ADGRE3: variants seen among roughly 807,000 people sequenced by gnomAD.
ADGRE3 encodes the protein EGF-like module receptor 3.
In ADGRE3, 88 loss-of-function variants were observed where a neutral mutation model predicts 80.1. That is an observed-to-expected ratio of 1.10 (90% CI 0.93 to 1.31). The LOEUF (loss-of-function observed/expected upper bound fraction) is 1.31. Among genes scored for constraint, ADGRE3 ranks in the 40% most tolerant of loss-of-function variants. The pLI is 0.00. For missense variants in ADGRE3, 715 were observed against 776.5 expected, an observed-to-expected ratio of 0.92 and a Z score of 0.94; for synonymous variants, 281 against 294.8, an observed-to-expected ratio of 0.95 and a Z score of 0.48.
At chr19:14,661,840 C>G in intron 4 of ADGRE3, 123 bp downstream of exon 4, 1 of 1,008,160 alleles carries the variant, frequency 9.9e-7, no homozygotes, top group Non-Finnish European at 1.5e-6. Context: ...GCGGAGGTTT[C>G]AGCCACTGCA....
the ADGRE3 span, chr19:14,606,964 G>T: frequency 8.4e-7 from 1 of 1,191,978 alleles, no homozygotes; most frequent in Non-Finnish European, 1.1e-6. Context: ...GTAGAGGAAT[G>T]GCTGGCTGAA....
the ADGRE3 span, among the ~76,000 whole-genome samples, chr19:14,608,109 C>G: frequency 6.6e-6 from 1 of 151,756 alleles, no homozygotes; most frequent in African/African-American, 2.4e-5. Context: ...TGAGCTCAAG[C>G]GATCCACCCG....
chr19:14,630,212 G>A lies in ADGRE3; in HGVS notation c.1644-5C>T, dbSNP rs1233486769. 2 of 1,597,174 alleles carry A rather than the reference G, an allele frequency of 1.3e-6. No homozygotes were observed. The highest frequency in any genetic ancestry group is 1.7e-5 in the Admixed American group (1 of 57,654). Reference sequence around the variant, plus strand: ...GTTGCTTTGAAAGCCAGCATCCTGGGAGGAGGAAGTCAGAGATTAGGATGT... The same window carrying A: ...GTTGCTTTGAAAGCCAGCATCCTGGAAGGAGGAAGTCAGAGATTAGGATGT... On this transcript the variant is annotated splice_polypyrimidine_tract_variant and splice_region_variant and intron_variant, in intron 13 of 15. Transcript: ENST00000253673.
chr19:14,636,102 C>CTT lies in ADGRE3; in HGVS notation c.1484+2001_1484+2002dup, dbSNP rs755936552. ...TTTCCCTTTCTTTCTTTCTTTCTTT[C>CTT]TTTCTTTCTTTCTTTCTTTCTTTCT... is the stretch of plus-strand genomic sequence containing the variant. On this transcript the variant is annotated intron_variant, in intron 11 of 15. Coordinates refer to ENST00000253673, the MANE Select transcript of ADGRE3 (RefSeq NM_032571.5). Among the ~76,000 whole-genome samples, 23 of 38,030 alleles carry CTT rather than the reference C, an allele frequency of 6.0e-4. 2 individuals are homozygous for CTT. Among genetic ancestry groups the CTT allele is most frequent in the African/African-American group, 1.7e-3 (19 of 11,346 alleles). The allele number at this position is 38,030 out of a possible 152,430, so 24.9% of individuals were successfully genotyped here.
intron 13 of ADGRE3, among the ~76,000 whole-genome samples, chr19:14,632,009 G>A (rs1288601053): frequency 4.6e-5 from 7 of 152,032 alleles, no homozygotes; most frequent in Admixed American, 4.6e-4. Flanking sequence ...AAATTAAAAT[G>A]GATGCTGCAA....
At chr19:14,644,019 GTT>G (rs61276204) in intron 9 of ADGRE3, 87 bp downstream of exon 9, 243,041 of 670,492 alleles carry the variant, frequency 0.36, 16,374 homozygotes, top group Admixed American at 0.45. Flanking sequence ...CCTTTTTTCA[GTT>G]TTTTTTTTTT....
chr19:14,663,222 C>T (rs977030481), intron 3 of ADGRE3, among the ~76,000 whole-genome samples, 196 bp downstream of exon 3: 9 of 151,766 alleles, frequency 5.9e-5, no homozygotes, highest in South Asian at 4.2e-4. Context: ...AGACTGGTCT[C>T]GAACTCCTGA....
At chr19:14,660,088 A>G (rs1027336076) in intron 4 of ADGRE3, among the ~76,000 whole-genome samples, 1 of 152,132 alleles carries the variant, frequency 6.6e-6, no homozygotes, top group African/African-American at 2.4e-5. Context: ...TTTGAACCAA[A>G]GCTGCACACT....
intron 6 of ADGRE3, among the ~76,000 whole-genome samples, chr19:14,654,263 T>TTTC (rs547041428): frequency 0.01 from 444 of 43,406 alleles, 2 homozygotes; most frequent in African/African-American, 0.036. Context: ...CAAAACCTGT[T>TTTC]TTTTTTTTTT....
At chr19:14,657,830 C>T (rs1163432445) in intron 5 of ADGRE3, among the ~76,000 whole-genome samples, 1 of 151,930 alleles carries the variant, frequency 6.6e-6, no homozygotes, top group Non-Finnish European at 1.5e-5. Flanking sequence ...GTGGCAACAT[C>T]TCCACTCACC....
chr19:14,650,700 C>T (rs1169271288), intron 7 of ADGRE3, among the ~76,000 whole-genome samples: 1 of 150,212 alleles, frequency 6.7e-6, no homozygotes, highest in Admixed American at 6.7e-5. Flanking sequence ...TCCCACACCC[C>T]CCCACACCCT....
downstream of ADGRE3, among the ~76,000 whole-genome samples, chr19:14,616,160 G>A (rs2075074319): frequency 6.6e-6 from 1 of 151,834 alleles, no homozygotes; most frequent in Admixed American, 6.6e-5. Flanking sequence ...TTGAACTCCT[G>A]ACCTCTGCCC....
chr19:14,620,566 A>ATTT (rs1568471671), intron 15 of ADGRE3, among the ~76,000 whole-genome samples: 3 of 16,050 alleles, frequency 1.9e-4, no homozygotes, highest in African/African-American at 4.9e-4. Context: ...ATATATATAT[A>ATTT]TATTTTTTTT....
Position 14,648,340 on chromosome 19 carries a change from C to G in ADGRE3, c.698-975G>C, listed in dbSNP as rs562287055. Among the ~76,000 whole-genome samples, 8 of 152,252 alleles carry G rather than the reference C, an allele frequency of 5.3e-5. No individual in the cohort carries two copies. The East Asian group carries it at 1.4e-3, about 26-fold the overall frequency. ...GGCGTGAATTTGTGTTTGGCCTGCA[C>G]AGAGGACAGGCTGGAAGAGCTTGAA... On this transcript the variant is annotated intron_variant, in intron 7 of 15. Transcript: ENST00000253673.
intron 9 of ADGRE3, 93 bp downstream of exon 9, chr19:14,644,015 T>G: frequency 1.2e-6 from 1 of 832,438 alleles, no homozygotes; most frequent in Non-Finnish European, 1.6e-6. Context: ...TCGGCCTTTT[T>G]TCAGTTTTTT....
At chr19:14,666,539 G>T (rs1031897784) in intron 2 of ADGRE3, among the ~76,000 whole-genome samples, 4 of 152,046 alleles carry the variant, frequency 2.6e-5, no homozygotes, top group African/African-American at 9.7e-5. Flanking sequence ...ATCACACCTG[G>T]ATAATTTTTG....
intron 1 of ADGRE3, 114 bp from the exon 2 acceptor site, chr19:14,668,966 A>T (rs1482070385): frequency 9.9e-7 from 1 of 1,014,402 alleles, no homozygotes; most frequent in East Asian, 2.5e-5. Context: ...AATTACAAAA[A>T]TGTAGTGGCT....
intron 11 of ADGRE3, among the ~76,000 whole-genome samples, chr19:14,633,715 AAATAAAAT>A: frequency 8.9e-6 from 1 of 112,058 alleles, no homozygotes; most frequent in African/African-American, 4.0e-5. Context: ...AAAAAAAATA[AAATAAAAT>A]AAAATAAAAT....
At chr19:14,625,141 G>A (rs1220720051) in intron 15 of ADGRE3, among the ~76,000 whole-genome samples, 3 of 152,006 alleles carry the variant, frequency 2.0e-5, no homozygotes, top group African/African-American at 4.8e-5. Context: ...CACCACACCC[G>A]GCTAATTTTT....
Sources: allele counts gnomAD v4.1 joint callset (sites outside exome capture counted in the v4.1 genomes callset), GRCh38; gene constraint gnomAD v4.1.1; transcripts MANE v1.5; gene names NCBI Gene and HGNC (gene_info 2026-07-23, HGNC 2026-07-21).